The following SNX9 variants were observed in gnomAD, a reference collection of about 807,000 sequenced individuals.
SNX9 encodes sorting nexin 9, also known as sorting nexin-9.
In SNX9, 44 loss-of-function variants were observed where a neutral mutation model predicts 89.4. That is an observed-to-expected ratio of 0.49 (90% CI 0.39 to 0.63). The LOEUF is 0.63. Among genes scored for constraint, SNX9 ranks in the 30% least tolerant of loss-of-function variants. The pLI, the probability that SNX9 is intolerant of heterozygous loss-of-function variation, is 0.00. For synonymous variants in SNX9, 236 were observed against 247.8 expected (o/e 0.95, Z 0.45); for missense variants, 578 against 736.1 (o/e 0.79, Z 2.49).
intron 1 of SNX9, among the ~76,000 whole-genome samples, chr6:157,848,384 G>T (rs9364677): frequency 1.3e-5 from 2 of 152,248 alleles, no homozygotes; most frequent in East Asian, 3.9e-4. Flanking sequence ...CCCCCAAACC[G>T]TGGTAGAGAT....
rs1781277376 is a variant in SNX9, at chr6:157,823,475, G to C, written c.12+29G>C. Reference sequence around the variant, plus strand: ...AGGGGCGCGCGGCGCAGGCCGGGCCGGTCGCTCAGGCCCGGGGCGGCGCGG... The same window carrying C: ...AGGGGCGCGCGGCGCAGGCCGGGCCCGTCGCTCAGGCCCGGGGCGGCGCGG... On this transcript the variant is annotated intron_variant, in intron 1 of 17. Transcript: ENST00000392185. This position sits in a 1 kb window ranked among gnomAD's most constrained non-coding sequence, Gnocchi z 4.6. 2 of 1,191,330 alleles carry C rather than the reference G, an allele frequency of 1.7e-6. No individual in the cohort carries two copies. Among genetic ancestry groups the C allele is most frequent in the Non-Finnish European group, 2.1e-6 (2 of 963,856 alleles). The allele number at this position is 1,191,330 out of a possible 1,614,324, so 73.8% of individuals were successfully genotyped here. A position where few individuals can be genotyped will look rare whatever the true frequency, so the allele number is the denominator to read the frequency against.
intron 2 of SNX9, among the ~76,000 whole-genome samples, chr6:157,870,721 T>TG (rs1319941198): frequency 5.3e-5 from 7 of 131,094 alleles, no homozygotes; most frequent in Admixed American, 1.6e-4. Flanking sequence ...CATACATACA[T>TG]GCACTCACCT....
At chr6:157,885,316 T>A (rs1782711219) in intron 4 of SNX9, 1 of 152,198 alleles carries the variant, frequency 6.6e-6, no homozygotes, top group Admixed American at 6.5e-5. Context: ...GTACAAGTTT[T>A]ATGTTCCACC....
intron 9 of SNX9, among the ~76,000 whole-genome samples, chr6:157,913,825 T>C (rs1783402953): frequency 6.6e-6 from 1 of 152,236 alleles, no homozygotes; most frequent in Non-Finnish European, 1.5e-5. Context: ...GTTGTGTCAA[T>C]AGTTTGTTCT....
intron 6 of SNX9, among the ~76,000 whole-genome samples, chr6:157,905,720 A>G (rs993057733): frequency 6.6e-6 from 1 of 152,218 alleles, no homozygotes; most frequent in Non-Finnish European, 1.5e-5. Context: ...TTGAAAGGCA[A>G]CTTTAATTTG....
chr6:157,866,732 A>C lies in SNX9; in HGVS notation c.13-815A>C, dbSNP rs146712681. 5.2e-3 allele frequency among the ~76,000 whole-genome samples: 799 copies of C among 152,314 alleles called. 8 individuals are homozygous for C. The highest frequency in any genetic ancestry group is 0.019 in the African/African-American group (769 of 41,558). On this transcript the variant is annotated intron_variant, in intron 1 of 17. Coordinates refer to ENST00000392185, the MANE Select transcript of SNX9 (RefSeq NM_016224.5). ...GAGTTAATGTGGCTAAAGATGCTGC[A>C]TTATCATTCTTATTAGATAAGGAGC...
chr6:157,863,159 T>G (rs1782181298), intron 1 of SNX9, among the ~76,000 whole-genome samples: 1 of 152,254 alleles, frequency 6.6e-6, no homozygotes, highest in South Asian at 2.1e-4. Context: ...GAATTCTGAT[T>G]ATCCAGTTTC....
intron 1 of SNX9, among the ~76,000 whole-genome samples, chr6:157,850,123 G>A (rs1781880977): frequency 6.6e-6 from 1 of 152,174 alleles, no homozygotes; most frequent in Non-Finnish European, 1.5e-5. Flanking sequence ...GGGGAGGAGA[G>A]TGTTTCAAGA....
chr6:157,840,438 C>T (rs567427651), intron 1 of SNX9, among the ~76,000 whole-genome samples: 3 of 149,540 alleles, frequency 2.0e-5, no homozygotes, highest in Non-Finnish European at 3.0e-5. Context: ...CTTTTCTTTC[C>T]TTTCTTTCCT....
chr6:157,899,124 A>G (rs972429586), intron 5 of SNX9, among the ~76,000 whole-genome samples: 7 of 151,220 alleles, frequency 4.6e-5, no homozygotes, highest in African/African-American at 1.7e-4. Context: ...GAGGAAGGAG[A>G]AGGAGGAGAG....
intron 3 of SNX9, 111 bp downstream of exon 3, chr6:157,873,287 G>A (rs1469740003): frequency 3.1e-6 from 2 of 640,950 alleles, no homozygotes; most frequent in Non-Finnish European, 4.9e-6. Flanking sequence ...AATTTCCATT[G>A]TAAATATAAT....
intron 1 of SNX9, among the ~76,000 whole-genome samples, chr6:157,866,952 GTTT>G (rs1782276288): frequency 6.6e-6 from 1 of 152,036 alleles, no homozygotes; most frequent in Admixed American, 6.6e-5. Flanking sequence ...GTGTTTGTTT[GTTT>G]GTTTTTTTAA....
chr6:157,869,852 C>G (rs1385919587), intron 2 of SNX9, among the ~76,000 whole-genome samples: 1 of 143,328 alleles, frequency 7.0e-6, no homozygotes, highest in African/African-American at 2.9e-5. Context: ...TGCATACCCC[C>G]ACACACACTC....
rs554156481 is a variant in SNX9, at chr6:157,932,411, C to T, written c.1366+139C>T. On this transcript the variant is annotated intron_variant, in intron 13 of 17. Coordinates refer to ENST00000392185, the MANE Select transcript of SNX9 (RefSeq NM_016224.5). ...TGTGTAAATTGGCTAGGCTGCCGCA[C>T]TAAGGACTTTTGCACCCTCATCCTA... The T allele has an allele frequency of 5.6e-5, 39 of 702,300 alleles. 1 individual carries two copies. In the South Asian group the frequency reaches 6.7e-4, roughly 12 times the overall value. 43.5% of individuals were successfully genotyped at this position (702,300 alleles called of 1,614,324 possible).
intron 1 of SNX9, among the ~76,000 whole-genome samples, chr6:157,853,791 TAA>T (rs11322047): frequency 6.1e-5 from 9 of 147,934 alleles, no homozygotes; most frequent in African/African-American, 2.0e-4. Context: ...ATGTAATGTT[TAA>T]AAAAAAAAAA....
chr6:157,871,681 AATT>A (rs1251101475), intron 2 of SNX9, among the ~76,000 whole-genome samples: 1 of 152,068 alleles, frequency 6.6e-6, no homozygotes, highest in African/African-American at 2.4e-5. Context: ...GTATAATAAT[AATT>A]TTTAAAAATT....
rs1198269591 is a variant in SNX9 at position 157,867,536 on chromosome 6, A to G, written c.13-11A>G. On this transcript the variant is annotated splice_polypyrimidine_tract_variant and intron_variant, in intron 1 of 17. Transcript: ENST00000392185. ...TTTGTAACATCCTCTTTTCCTCTCCACTCCTGATAGGCTCGGGTTATGTAT... is the reference window on the plus strand; with the variant it reads ...TTTGTAACATCCTCTTTTCCTCTCCGCTCCTGATAGGCTCGGGTTATGTAT... 3 of 1,602,652 alleles carry G rather than the reference A, an allele frequency of 1.9e-6. No homozygotes were observed. The highest frequency in any genetic ancestry group is 2.7e-5 in the African/African-American group (2 of 74,674).
intron 4 of SNX9, among the ~76,000 whole-genome samples, chr6:157,875,392 G>T (rs1451021314): frequency 6.8e-6 from 1 of 147,936 alleles, no homozygotes; most frequent in East Asian, 2.0e-4. Context: ...AAGAGAAAAG[G>T]CAGGGTATTG....
At chr6:157,908,609 C>T (rs1287246579) in intron 7 of SNX9, among the ~76,000 whole-genome samples, 1 of 152,128 alleles carries the variant, frequency 6.6e-6, no homozygotes, top group East Asian at 1.9e-4. Context: ...TACATGAGCT[C>T]CAGCATCCAG....
Sources: allele counts gnomAD v4.1 joint callset (sites outside exome capture counted in the v4.1 genomes callset), GRCh38; gene constraint gnomAD v4.1.1; non-coding constraint Gnocchi (gnomAD v3.1); transcripts MANE v1.5; gene names NCBI Gene and HGNC (gene_info 2026-07-23, HGNC 2026-07-21).